The following ATP11C variants were observed in gnomAD, a reference collection of about 807,000 sequenced individuals.
ATP11C encodes ATPase phospholipid transporting 11C (ATP11C blood group), also known as phospholipid-transporting ATPase IG.
A neutral mutation model predicts 97.4 loss-of-function variants in ATP11C; 36 were observed. That is an observed-to-expected ratio of 0.37 (90% CI 0.28 to 0.49). The LOEUF (loss-of-function observed/expected upper bound fraction) is 0.49. Ranked by LOEUF, ATP11C falls within the 20% of genes least tolerant of loss-of-function variation. The probability of loss-of-function intolerance (pLI) is 0.98; values close to 1 mark genes in which losing one functional copy is unlikely to be tolerated. For missense variants in ATP11C, 730 were observed against 824.6 expected (o/e 0.89, Z 1.40); for synonymous variants, 275 against 290.9 (o/e 0.95, Z 0.56).
At chrX:139,769,309 TA>T (rs2082206041) in intron 19 of ATP11C, among the ~76,000 whole-genome samples, 2 of 76,137 alleles carry the variant, frequency 2.6e-5, no homozygotes, top group African/African-American at 5.2e-5. Flanking sequence ...TATATATATA[TA>T]TATATATATA....
chrX:139,806,969 A>G (rs932773282), intron 5 of ATP11C, among the ~76,000 whole-genome samples: 2 of 111,247 alleles, frequency 1.8e-5, no homozygotes, highest in Admixed American at 9.5e-5. Flanking sequence ...AGGGAATTGG[A>G]CAGGAAACCT....
chrX:139,761,760 A>G (rs1427282917), intron 22 of ATP11C, among the ~76,000 whole-genome samples: 1 of 111,032 alleles, frequency 9.0e-6, no homozygotes, highest in Non-Finnish European at 1.9e-5. Context: ...GGGCTTAAAA[A>G]TTCCTATCAA....
At chrX:139,915,663 A>T (rs1323191797) in intron 1 of ATP11C, among the ~76,000 whole-genome samples, 1 of 111,071 alleles carries the variant, frequency 9.0e-6, no homozygotes, top group Non-Finnish European at 1.9e-5. Context: ...TATCTCAAAA[A>T]AAGAAAAAGA....
Position 139,728,959 on chromosome X carries a change from G to T in ATP11C, c.*7C>A. On this transcript the variant is annotated 3_prime_UTR_variant, in exon 30 of 30. Transcript: ENST00000682941. ...AATAACATAGGCAGTTCAAGATTCG[G>T]ATTCTGAAAAATGTAAAATATACAG... is the stretch of plus-strand genomic sequence containing the variant. 3 of 1,185,640 alleles carry T rather than the reference G, an allele frequency of 2.5e-6. No homozygotes were observed. Among genetic ancestry groups the T allele is most frequent in the Non-Finnish European group, 3.4e-6 (3 of 874,158 alleles).
intron 20 of ATP11C, among the ~76,000 whole-genome samples, chrX:139,763,676 AAT>A (rs2082080602): frequency 8.9e-6 from 1 of 112,230 alleles, no homozygotes; most frequent in Non-Finnish European, 1.9e-5. Context: ...ATGCTATGTA[AAT>A]AGCTGTCATA....
chrX:139,796,364 A>G lies in ATP11C; in HGVS notation c.1115T>C (p.Phe372Ser). 3.3e-6 allele frequency: 4 copies of G among 1,204,373 alleles called. No homozygotes were observed. The highest frequency in any genetic ancestry group is 4.5e-6 in the Non-Finnish European group (4 of 889,231). ...AAAGTCCTTATCCCATGAGATGAAGAAGGAGCCCAAGAATTTCTGCATTTC... is the reference window on the plus strand; with the variant it reads ...AAAGTCCTTATCCCATGAGATGAAGGAGGAGCCCAAGAATTTCTGCATTTC... ...TVEMQKFLGSFFISWDKDFYD... is the reference protein window; with the variant it reads ...TVEMQKFLGSSFISWDKDFYD... Residue 372 changes from phenylalanine to serine, a missense_variant, in exon 12 of 30, where the codon TTC becomes TCC. Physicochemically the swap from Phe to Ser is radical, Grantham distance 155 (BLOSUM62 -2). Transcript: ENST00000682941.
chrX:139,932,164 G>C lies in ATP11C; in HGVS notation c.-122C>G. 2 of 624,329 alleles carry C rather than the reference G, an allele frequency of 3.2e-6. No homozygotes were observed. The highest frequency in any genetic ancestry group is 4.1e-6 in the Non-Finnish European group (2 of 488,779). The allele number at this position is 624,329 out of a possible 1,213,427, so 51.5% of individuals were successfully genotyped here. A position where few individuals can be genotyped will look rare whatever the true frequency, so the allele number is the denominator to read the frequency against. The stretch of plus-strand genomic sequence containing the variant: ...AGCGGAGCAGCGAGGCGGGCGGCCG[G>C]GCCACCCGCTCGCCGCCTGCCCCCC... On this transcript the variant is annotated 5_prime_UTR_variant, in exon 1 of 30. Coordinates refer to ENST00000682941, the MANE Select transcript of ATP11C (RefSeq NM_001353812.2).
intron 2 of ATP11C, among the ~76,000 whole-genome samples, chrX:139,825,182 G>C (rs955358843): frequency 6.3e-5 from 7 of 110,966 alleles, no homozygotes; most frequent in Non-Finnish European, 1.3e-4. Context: ...CAAGCACAAT[G>C]CAAGAGGAGA....
intron 2 of ATP11C, among the ~76,000 whole-genome samples, chrX:139,823,777 A>G (rs1325970661): frequency 8.9e-6 from 1 of 112,364 alleles, no homozygotes; most frequent in African/African-American, 3.2e-5. Context: ...CTGATGACGA[A>G]GACAAAAAAG....
upstream of ATP11C, among the ~76,000 whole-genome samples, chrX:139,936,089 G>A (rs1192899562): frequency 1.8e-5 from 2 of 110,815 alleles, no homozygotes; most frequent in Admixed American, 1.9e-4. Context: ...CTTGAGTCCA[G>A]GAGTTTGAGT....
intron 9 of ATP11C, 67 bp from the exon 10 acceptor site, chrX:139,798,421 A>G: frequency 1.1e-6 from 1 of 882,970 alleles, no homozygotes; most frequent in Non-Finnish European, 1.6e-6. Context: ...AGCTGGCTCT[A>G]TGAATTTTTA....
intron 7 of ATP11C, among the ~76,000 whole-genome samples, chrX:139,801,079 C>T (rs1052571920): frequency 8.9e-5 from 10 of 112,273 alleles, no homozygotes; most frequent in Non-Finnish European, 1.9e-4. Flanking sequence ...GGAATTCAAT[C>T]GTCTAAGGAA....
At chrX:139,886,821 A>C (rs1417524723) in intron 1 of ATP11C, among the ~76,000 whole-genome samples, 2 of 111,049 alleles carry the variant, frequency 1.8e-5, no homozygotes, top group East Asian at 5.6e-4. Flanking sequence ...ACAGCAAATA[A>C]AATCCCGTTT....
chrX:139,888,835 G>T (rs1404728091), intron 1 of ATP11C, among the ~76,000 whole-genome samples: 5 of 109,153 alleles, frequency 4.6e-5, no homozygotes, highest in African/African-American at 1.7e-4. Flanking sequence ...TGGAGACAGG[G>T]TCTTACTCTG....
chrX:139,748,739 T>C (rs2081746062), intron 24 of ATP11C, among the ~76,000 whole-genome samples: 2 of 111,850 alleles, frequency 1.8e-5, no homozygotes, highest in African/African-American at 6.5e-5. Flanking sequence ...CAGCAAACTC[T>C]AGACTGGGAG....
At position 139,809,927 on chromosome X, in the gene ATP11C, T is replaced by C. The variant is rs371306615; in HGVS notation, c.426+4951A>G. Among the ~76,000 whole-genome samples the C allele has an allele frequency of 2.0e-4, 22 of 111,244 alleles. No homozygotes were observed. In the East Asian group the frequency reaches 5.1e-3, roughly 26 times the overall value. On this transcript the variant is annotated intron_variant, in intron 5 of 29. Transcript: ENST00000682941. ...GTTGCGGTGAGCCAAGATCACGCCA[T>C]TGTACTCCAGCCTGGGCAACAAGAG...
In ATP11C at chrX:139,819,372, G is replaced by A; in HGVS notation, c.203C>T (p.Ala68Val). 2.6e-6 allele frequency: 3 copies of A among 1,143,396 alleles called. No homozygotes were observed. Among genetic ancestry groups the A allele is most frequent in the Non-Finnish European group, 1.2e-6 (1 of 852,427 alleles). The allele number at this position is 1,143,396 out of a possible 1,213,427, so 94.2% of individuals were successfully genotyped here. A position where few individuals can be genotyped will look rare whatever the true frequency, so the allele number is the denominator to read the frequency against. Residue 68 changes from alanine to valine, a missense_variant, in exon 3 of 30, where the codon GCA becomes GTA. By Grantham distance (64) the Ala-to-Val change is moderately conservative (BLOSUM62 0). Coordinates refer to ENST00000682941, the MANE Select transcript of ATP11C (RefSeq NM_001353812.2). ...GAAGATTATGAGAAAATAAAAATTT[G>A]CAATTCTTCTAAACTGTTCAAACAG... ...KNLFEQFRRI[A>V]NFYFLIIFLV... is the part of the protein sequence containing the mutation.
In ATP11C at chrX:139,894,899, A is replaced by C. The variant is rs756335364; in HGVS notation, c.27+37117T>G. 2.7e-5 allele frequency among the ~76,000 whole-genome samples: 3 copies of C among 112,077 alleles called. No individual in the cohort carries two copies. In the South Asian group the frequency reaches 1.1e-3, roughly 42 times the overall value. On this transcript the variant is annotated intron_variant, in intron 1 of 29. Coordinates refer to ENST00000682941, the MANE Select transcript of ATP11C (RefSeq NM_001353812.2). ...TAGCAAGACCCCGTCTCTACTAAAAATACAAAATTAGCTGGGTATGGTGGA... is the reference window on the plus strand; with the variant it reads ...TAGCAAGACCCCGTCTCTACTAAAACTACAAAATTAGCTGGGTATGGTGGA...
At position 139,798,554 on chromosome X, in the gene ATP11C, CCAA is replaced by C. The variant is rs1319294701; in HGVS notation, c.775+122_775+124del. The C allele has an allele frequency of 5.2e-6, 3 of 576,215 alleles. No homozygotes were observed. In the East Asian group the frequency reaches 1.0e-4, roughly 20 times the overall value. The allele number at this position is 576,215 out of a possible 1,213,427, so 47.5% of individuals were successfully genotyped here. A position where few individuals can be genotyped will look rare whatever the true frequency, so the allele number is the denominator to read the frequency against. On this transcript the variant is annotated intron_variant, in intron 9 of 29. Coordinates refer to ENST00000682941, the MANE Select transcript of ATP11C (RefSeq NM_001353812.2). ...TCTTAGTTTACCACGTTATAAATTC[CCAA>C]CACCTAAATGTAGGTTTAAATTAAA...
Sources: gnomAD v4.1 joint callset for allele counts (sites outside exome capture counted in the v4.1 genomes callset) on GRCh38, gnomAD v4.1.1 for gene constraint, MANE v1.5 for transcripts, NCBI Gene and HGNC (gene_info 2026-07-23, HGNC 2026-07-21) for gene names.